The following PRKCB variants were observed in gnomAD, a reference collection of about 807,000 sequenced individuals.
PRKCB encodes the protein protein kinase C beta.
Under a neutral mutation model 81.5 loss-of-function variants are expected in PRKCB, and 13 were observed. That is an observed-to-expected ratio of 0.16 (90% CI 0.10 to 0.25). PRKCB has a LOEUF of 0.25. PRKCB is among the 10% of genes least tolerant of loss of function. PRKCB has a pLI of 1.00. For synonymous variants in PRKCB, 335 were observed against 321.4 expected (o/e 1.04, Z -0.45); for missense variants, 509 against 875.7 (o/e 0.58, Z 5.29).
chr16:24,070,184 T>C (rs1186377795), intron 5 of PRKCB, among the ~76,000 whole-genome samples: 2 of 151,112 alleles, frequency 1.3e-5, no homozygotes, highest in East Asian at 1.9e-4. Context: ...GGTCTTGCTC[T>C]GTCGTCCAGG....
chr16:24,020,496 T>G (rs1017973120), intron 3 of PRKCB, among the ~76,000 whole-genome samples: 1 of 152,176 alleles, frequency 6.6e-6, no homozygotes, highest in African/African-American at 2.4e-5. Context: ...GCCATGATGA[T>G]TTTTTCTCTT....
chr16:24,172,339 C>T lies in PRKCB; in HGVS notation c.1309C>T (p.Arg437Trp), dbSNP rs1967454144. 2.5e-6 allele frequency: 4 copies of T among 1,613,838 alleles called. No homozygotes were observed. The highest frequency in any genetic ancestry group is 3.4e-6 in the Non-Finnish European group (4 of 1,179,922). The change falls in exon 11 of 17, where the codon CGG (arginine) becomes TGG (tryptophan). Residue 437 changes from arginine to tryptophan, a missense_variant. By Grantham distance (101) the Arg-to-Trp change is moderately radical (BLOSUM62 -3). Transcript: ENST00000643927. Reference protein sequence around the residue: ...DLMYHIQQVGRFKEPHAVFYA... With the variant: ...DLMYHIQQVGWFKEPHAVFYA... Reference sequence around the variant, plus strand: ...CATGTATCACATCCAGCAAGTCGGCCGGTTCAAGGAGCCCCATGCTGTGTA... The same window carrying T: ...CATGTATCACATCCAGCAAGTCGGCTGGTTCAAGGAGCCCCATGCTGTGTA...
chr16:23,991,263 T>C (rs977029946), intron 3 of PRKCB, among the ~76,000 whole-genome samples: 1 of 152,164 alleles, frequency 6.6e-6, no homozygotes, highest in Non-Finnish European at 1.5e-5. Context: ...TTGGAAAATG[T>C]GGTAATTGAG....
chr16:23,938,902 A>G (rs1283252483), intron 2 of PRKCB, among the ~76,000 whole-genome samples: 1 of 152,242 alleles, frequency 6.6e-6, no homozygotes. Flanking sequence ...AAGAAAGCAT[A>G]CAAAGAAAGA....
chr16:24,011,909 T>C (rs1965207461), intron 3 of PRKCB, among the ~76,000 whole-genome samples: 1 of 152,202 alleles, frequency 6.6e-6, no homozygotes, highest in South Asian at 2.1e-4. Context: ...GCAAAGAGGT[T>C]AAAACAGTGC....
At chr16:24,093,020 C>A in intron 6 of PRKCB, 73 bp downstream of exon 6, 1 of 1,480,754 alleles carries the variant, frequency 6.8e-7, no homozygotes. Flanking sequence ...CAGGGAGTTC[C>A]TCCTCCCTTA....
At chr16:23,916,248 G>A (rs569472224) in intron 2 of PRKCB, among the ~76,000 whole-genome samples, 140 of 129,662 alleles carry the variant, frequency 1.1e-3, no homozygotes, top group Middle Eastern at 4.1e-3. Context: ...TTTTTGAGAC[G>A]AGGTCTTACT....
At chr16:23,866,896 T>C (rs1254149178) in intron 2 of PRKCB, among the ~76,000 whole-genome samples, 1 of 152,132 alleles carries the variant, frequency 6.6e-6, no homozygotes, top group African/African-American at 2.4e-5. Flanking sequence ...TTAATTTTAA[T>C]GATCCTTTCC....
chr16:23,911,072 G>T (rs1166100741), intron 2 of PRKCB, among the ~76,000 whole-genome samples: 1 of 137,976 alleles, frequency 7.2e-6, no homozygotes, highest in African/African-American at 2.7e-5. Context: ...CAATTAGTGA[G>T]CATTTGAGTT....
At chr16:24,036,477 G>T (rs957044078) in intron 5 of PRKCB, among the ~76,000 whole-genome samples, 1 of 151,996 alleles carries the variant, frequency 6.6e-6, no homozygotes, top group African/African-American at 2.4e-5. Context: ...TTTATGAGTT[G>T]GTAACTCAGG....
chr16:24,115,636 G>A (rs1177011450), intron 8 of PRKCB, among the ~76,000 whole-genome samples: 3 of 151,852 alleles, frequency 2.0e-5, no homozygotes, highest in East Asian at 1.9e-4. Context: ...TTACCCAAGA[G>A]CATTTTTCCC....
rs140465740 is a variant in PRKCB, at chr16:23,910,618, T to C, written c.205+73212T>C. 6.6e-3 allele frequency among the ~76,000 whole-genome samples: 1,003 copies of C among 152,308 alleles called. 14 individuals carry two copies. Among genetic ancestry groups the C allele is most frequent in the African/African-American group, 0.022 (934 of 41,564 alleles). The stretch of plus-strand genomic sequence containing the variant: ...AAACTTAGAGTTATATTCAGAGATA[T>C]TGATTTTTTTAATCCCATTTAAAAA... On this transcript the variant is annotated intron_variant, in intron 2 of 16. Transcript: ENST00000643927.
intron 15 of PRKCB, among the ~76,000 whole-genome samples, chr16:24,187,028 G>A (rs773780956): frequency 9.9e-5 from 15 of 152,258 alleles, no homozygotes; most frequent in Admixed American, 3.3e-4. Flanking sequence ...AGGCACACAC[G>A]AAGGCCTCCA....
At chr16:24,021,297 T>C (rs7194144) in intron 3 of PRKCB, among the ~76,000 whole-genome samples, 5,765 of 17,440 alleles carry the variant, frequency 0.33, 1,017 homozygotes, top group African/African-American at 0.55. Context: ...CTCCCTCCCT[T>C]CCTTCCTTCC....
intron 10 of PRKCB, 65 bp from the exon 11 acceptor site, chr16:24,172,205 C>G (rs1967451469): frequency 1.3e-5 from 15 of 1,172,162 alleles, no homozygotes; most frequent in East Asian, 2.4e-5. Flanking sequence ...GCTCTTCCCC[C>G]ACTGTCCATT....
chr16:24,024,110 C>A (rs1363576108), intron 3 of PRKCB, among the ~76,000 whole-genome samples: 1 of 152,208 alleles, frequency 6.6e-6, no homozygotes, highest in African/African-American at 2.4e-5. Context: ...GTCTTTGTTT[C>A]TCCAGGTTCC....
chr16:24,064,694 T>C (rs1966011075), intron 5 of PRKCB, among the ~76,000 whole-genome samples: 1 of 152,138 alleles, frequency 6.6e-6, no homozygotes, highest in Non-Finnish European at 1.5e-5. Context: ...ATTATGATTC[T>C]GGGTTTTTTT....
intron 16 of PRKCB, among the ~76,000 whole-genome samples, chr16:24,199,155 A>G (rs1451416096): frequency 6.6e-6 from 1 of 152,216 alleles, no homozygotes; most frequent in Non-Finnish European, 1.5e-5. Context: ...TTTCCAAAAT[A>G]CTACTTGGGC....
chr16:24,005,736 G>T (rs1272268389), intron 3 of PRKCB, among the ~76,000 whole-genome samples: 2 of 152,150 alleles, frequency 1.3e-5, no homozygotes, highest in African/African-American at 4.8e-5. Context: ...GCCTCAGTGT[G>T]AGTGGCAGGA....
Sources: gnomAD v4.1 joint callset for allele counts (sites outside exome capture counted in the v4.1 genomes callset) on GRCh38, gnomAD v4.1.1 for gene constraint, MANE v1.5 for transcripts, NCBI Gene and HGNC (gene_info 2026-07-23, HGNC 2026-07-21) for gene names.